RANBP2: variants seen among roughly 807,000 people sequenced by gnomAD.
The protein encoded by RANBP2 is E3 SUMO-protein ligase RanBP2.
A neutral mutation model predicts 303.6 loss-of-function variants in RANBP2; 57 were observed. The ratio of observed to expected loss-of-function variants is 0.19; its 90% CI spans 0.15 to 0.23. The LOEUF is 0.23. Among genes scored for constraint, RANBP2 ranks in the 10% least tolerant of loss-of-function variants. The probability of loss-of-function intolerance (pLI) is 1.00; values close to 1 mark genes in which losing one functional copy is unlikely to be tolerated. For synonymous variants in RANBP2, 1,167 were observed against 1,301.5 expected (o/e 0.90, Z 2.23); for missense variants, 3,138 against 3,780.8 (o/e 0.83, Z 4.46).
the RANBP2 span, among the ~76,000 whole-genome samples, chr2:109,732,171 C>G: frequency 6.6e-6 from 1 of 152,112 alleles, no homozygotes; most frequent in Non-Finnish European, 1.5e-5. Context: ...AGTGTATATA[C>G]TATTCTTTAT....
the RANBP2 span, among the ~76,000 whole-genome samples, chr2:109,489,497 G>C: frequency 2.8e-4 from 42 of 152,226 alleles, no homozygotes; most frequent in Non-Finnish European, 5.1e-4. Context: ...ACTTAGAAGA[G>C]CTGGGGGAGG....
At position 108,752,888 on chromosome 2, in the gene RANBP2, C is replaced by T. The variant is rs1344558194; in HGVS notation, c.1756-110C>T. The T allele has an allele frequency of 1.5e-5, 24 of 1,595,400 alleles. No individual in the cohort carries two copies. In the South Asian group the frequency reaches 2.0e-4, roughly 13 times the overall value. Reference sequence around the variant, plus strand: ...AGTTGAACAAATGACTATTGAGATACCATTTGGTTTTGACTTGAAATTTTA... The same window carrying T: ...AGTTGAACAAATGACTATTGAGATATCATTTGGTTTTGACTTGAAATTTTA... On this transcript the variant is annotated intron_variant, in intron 12 of 28. Transcript: ENST00000283195.
the RANBP2 span, among the ~76,000 whole-genome samples, chr2:109,507,780 G>A: frequency 6.6e-6 from 1 of 152,190 alleles, no homozygotes; most frequent in East Asian, 1.9e-4. Flanking sequence ...AGTCAAAAGA[G>A]GACTTCTTGA....
chr2:108,944,261 G>C, the RANBP2 span, among the ~76,000 whole-genome samples: 1 of 152,160 alleles, frequency 6.6e-6, no homozygotes, highest in African/African-American at 2.4e-5. Context: ...TTACAGGGCT[G>C]TACCAACATG....
the RANBP2 span, among the ~76,000 whole-genome samples, chr2:109,303,230 C>T: frequency 3.5e-4 from 54 of 152,332 alleles, no homozygotes; most frequent in African/African-American, 1.2e-3. Flanking sequence ...GAGAGATTCA[C>T]TTGGCCCCAA....
the RANBP2 span, among the ~76,000 whole-genome samples, chr2:109,420,667 G>A: frequency 5.9e-5 from 9 of 152,128 alleles, no homozygotes; most frequent in African/African-American, 1.9e-4. Context: ...GGATGGTCTC[G>A]ATCTCCTGAT....
chr2:109,235,219 G>C, the RANBP2 span, among the ~76,000 whole-genome samples: 8 of 152,202 alleles, frequency 5.3e-5, no homozygotes, highest in Non-Finnish European at 1.0e-4. Flanking sequence ...AGGACAGCGA[G>C]CATGTAAAAT....
the RANBP2 span, among the ~76,000 whole-genome samples, chr2:109,684,661 G>A: frequency 6.6e-6 from 1 of 151,008 alleles, no homozygotes; most frequent in African/African-American, 2.4e-5. Flanking sequence ...AGCCTCCTGA[G>A]TAGCTGGGAT....
At chr2:108,991,832 A>G in the RANBP2 span, among the ~76,000 whole-genome samples, 2 of 152,202 alleles carry the variant, frequency 1.3e-5, no homozygotes. Context: ...GGTGAGACAG[A>G]GTCTTGCTCT....
chr2:109,675,166 T>C, the RANBP2 span, among the ~76,000 whole-genome samples: 1 of 152,140 alleles, frequency 6.6e-6, no homozygotes. Context: ...AGAGACAGGA[T>C]CTCACTATGT....
chr2:109,531,170 C>G, the RANBP2 span, among the ~76,000 whole-genome samples: 1 of 152,166 alleles, frequency 6.6e-6, no homozygotes, highest in Non-Finnish European at 1.5e-5. Flanking sequence ...CACAAGGGCC[C>G]CTCTATTTGG....
At chr2:109,110,325 C>T in the RANBP2 span, among the ~76,000 whole-genome samples, 61 of 152,240 alleles carry the variant, frequency 4.0e-4, no homozygotes, top group African/African-American at 1.4e-3. Context: ...TGGAAATTAC[C>T]AAGAGGCCTG....
the RANBP2 span, among the ~76,000 whole-genome samples, chr2:109,340,340 A>G: frequency 2.0e-5 from 3 of 152,210 alleles, no homozygotes; most frequent in Non-Finnish European, 4.4e-5. Context: ...GCAGGCACAC[A>G]GGAGGTGCTC....
At chr2:109,473,190 G>C in the RANBP2 span, among the ~76,000 whole-genome samples, 1 of 152,080 alleles carries the variant, frequency 6.6e-6, no homozygotes, top group Admixed American at 6.5e-5. Flanking sequence ...CAGGGAAGCG[G>C]CTTCCTGCCT....
chr2:109,641,638 G>A, the RANBP2 span, among the ~76,000 whole-genome samples: 1 of 152,150 alleles, frequency 6.6e-6, no homozygotes, highest in African/African-American at 2.4e-5. Context: ...GTTTCAGTTT[G>A]GAAGGATGGA....
chr2:109,615,570 G>A, the RANBP2 span: 1 of 1,614,078 alleles, frequency 6.2e-7, no homozygotes, highest in Non-Finnish European at 8.5e-7. Flanking sequence ...GAAGCTGCTG[G>A]TGGGGGCCTA....
At chr2:109,699,609 T>C in the RANBP2 span, among the ~76,000 whole-genome samples, 1 of 152,180 alleles carries the variant, frequency 6.6e-6, no homozygotes. Flanking sequence ...CAGATCATCA[T>C]AAAGGTCTTC....
the RANBP2 span, among the ~76,000 whole-genome samples, chr2:109,603,648 A>T: frequency 6.6e-6 from 1 of 152,160 alleles, no homozygotes; most frequent in African/African-American, 2.4e-5. Context: ...ATCTTAGTAC[A>T]ATTGGGAGAC....
Position 108,719,697 on chromosome 2 carries a change from G to T in RANBP2, c.72+19G>T. 1.3e-6 allele frequency: 2 copies of T among 1,588,854 alleles called. No individual in the cohort carries two copies. The highest frequency in any genetic ancestry group is 1.7e-6 in the Non-Finnish European group (2 of 1,169,176). On this transcript the variant is annotated intron_variant, in intron 1 of 28. Transcript: ENST00000283195. The stretch of plus-strand genomic sequence containing the variant: ...TCGACAGGTGAGTGGGTCTCGAAGA[G>T]ACCGACGGCCTCGACCTGGCCGGGC...
Sources: gnomAD v4.1 joint callset for allele counts (sites outside exome capture counted in the v4.1 genomes callset) on GRCh38, gnomAD v4.1.1 for gene constraint, MANE v1.5 for transcripts, NCBI Gene and HGNC (gene_info 2026-07-23, HGNC 2026-07-21) for gene names.